Variants in FAM13C observed in about 807,000 individuals in gnomAD.
FAM13C encodes the protein protein FAM13C.
In FAM13C, 37 loss-of-function variants were observed where a neutral mutation model predicts 73.2. That is an observed-to-expected ratio of 0.51 (90% CI 0.39 to 0.67). The LOEUF is 0.67. FAM13C is among the 30% of genes least tolerant of loss of function. The pLI is 0.00. For synonymous variants in FAM13C, 246 were observed against 260.9 expected (o/e 0.94, Z 0.55); for missense variants, 589 against 715.6 (o/e 0.82, Z 2.02).
At chr10:59,352,752 C>G (rs1202358518) in intron 2 of FAM13C, among the ~76,000 whole-genome samples, 1 of 152,178 alleles carries the variant, frequency 6.6e-6, no homozygotes, top group African/African-American at 2.4e-5. Flanking sequence ...CTAATTTTCA[C>G]TTTAAGAAAC....
Position 59,247,531 on chromosome 10 carries a change from C to A in FAM13C, c.*83G>T. ...TAAAGTGCTTCCATTTTCATTGTGT[C>A]AAAACTACTTAGCAAGGATGGCAGA... On this transcript the variant is annotated 3_prime_UTR_variant, in exon 14 of 14. Coordinates refer to ENST00000618804, the MANE Select transcript of FAM13C (RefSeq NM_198215.4). The A allele has an allele frequency of 1.3e-6, 2 of 1,573,210 alleles. No individual in the cohort carries two copies. The highest frequency in any genetic ancestry group is 2.3e-5 in the South Asian group (2 of 87,588).
chr10:59,337,481 C>A (rs925097719), intron 3 of FAM13C, among the ~76,000 whole-genome samples: 3 of 152,130 alleles, frequency 2.0e-5, no homozygotes, highest in African/African-American at 7.2e-5. Flanking sequence ...GGCTAGCTTT[C>A]AGAAGCAACT....
At chr10:59,323,618 T>C (rs1564583181) in intron 4 of FAM13C, among the ~76,000 whole-genome samples, 1 of 152,170 alleles carries the variant, frequency 6.6e-6, no homozygotes, top group East Asian at 1.9e-4. Flanking sequence ...AATCAGTTGC[T>C]ATGGTGCCTA....
chr10:59,299,638 T>C (rs539404966), intron 5 of FAM13C, among the ~76,000 whole-genome samples: 4 of 152,310 alleles, frequency 2.6e-5, no homozygotes, highest in African/African-American at 9.6e-5. Context: ...ATCATTGTTC[T>C]TCATTTTATC....
intron 6 of FAM13C, among the ~76,000 whole-genome samples, chr10:59,280,853 A>G (rs1182449760): frequency 6.6e-6 from 1 of 152,194 alleles, no homozygotes; most frequent in East Asian, 1.9e-4. Flanking sequence ...TCAAGTCTAT[A>G]GTGAATTTGA....
intron 4 of FAM13C, among the ~76,000 whole-genome samples, chr10:59,319,111 ACACACACATT>A (rs1280279589): frequency 3.1e-4 from 43 of 139,724 alleles, no homozygotes; most frequent in African/African-American, 1.1e-3. Context: ...ACACACACAC[ACACACACATT>A]GTCTATCTCA....
At chr10:59,307,234 G>C (rs1384427388) in intron 4 of FAM13C, among the ~76,000 whole-genome samples, 3 of 152,092 alleles carry the variant, frequency 2.0e-5, no homozygotes, top group Non-Finnish European at 4.4e-5. Flanking sequence ...AGCAGAGAAG[G>C]GGGGTGAGAT....
At chr10:59,258,916 CAGA>C (rs1326786601) in intron 10 of FAM13C, among the ~76,000 whole-genome samples, 2 of 152,022 alleles carry the variant, frequency 1.3e-5, no homozygotes, top group African/African-American at 4.8e-5. Context: ...GATGAGAGGC[CAGA>C]AGAAGTAACT....
intron 4 of FAM13C, among the ~76,000 whole-genome samples, chr10:59,306,030 TC>T (rs1171306719): frequency 6.6e-6 from 1 of 152,224 alleles, no homozygotes; most frequent in Non-Finnish European, 1.5e-5. Flanking sequence ...TTTGTAACCC[TC>T]AGTAGTTCTC....
rs534724379 is a variant in FAM13C, at chr10:59,307,662, C to T, written c.444-4798G>A. ...AGTCTGCCCTTGTGGAACTTATATTCTCACGGAAGGATAACAAAAAGAAAT... is the reference window on the plus strand; with the variant it reads ...AGTCTGCCCTTGTGGAACTTATATTTTCACGGAAGGATAACAAAAAGAAAT... On this transcript the variant is annotated intron_variant, in intron 4 of 13. Transcript: ENST00000618804. 5.9e-5 allele frequency among the ~76,000 whole-genome samples: 9 copies of T among 152,250 alleles called. 1 individual carries two copies. Among genetic ancestry groups the T allele is most frequent in the African/African-American group, 2.2e-4 (9 of 41,536 alleles).
upstream of FAM13C, chr10:59,362,761 G>C (rs1856561830): frequency 4.4e-6 from 2 of 456,040 alleles, no homozygotes; most frequent in South Asian, 7.4e-5. Context: ...CCCCGACCTC[G>C]CCAGCCCAGG....
At chr10:59,277,157 C>G (rs1436323455) in intron 6 of FAM13C, among the ~76,000 whole-genome samples, 2 of 152,056 alleles carry the variant, frequency 1.3e-5, no homozygotes, top group Non-Finnish European at 2.9e-5. Flanking sequence ...GAAAACAAAG[C>G]CAGCTACTCC....
chr10:59,302,758 T>C (rs373859107), intron 5 of FAM13C, 43 bp downstream of exon 5: 8 of 1,534,062 alleles, frequency 5.2e-6, no homozygotes, highest in African/African-American at 1.4e-5. Context: ...AATCTCATGA[T>C]TGGCTAATTC....
intron 4 of FAM13C, among the ~76,000 whole-genome samples, chr10:59,322,448 C>A (rs1186152214): frequency 6.6e-6 from 1 of 151,852 alleles, no homozygotes; most frequent in Non-Finnish European, 1.5e-5. Context: ...GATGGGGAGG[C>A]GAAAAAGACA....
rs59965630 is a variant in FAM13C at position 59,319,072 on chromosome 10, AACACACACACAC to A, written c.443+4904_443+4915del. ...TAAGTAAGAAACAATTAGCTATTCA[AACACACACACAC>A]ACACACACACACACACACACACACA... On this transcript the variant is annotated intron_variant, in intron 4 of 13. Transcript: ENST00000618804. 8.2e-3 allele frequency among the ~76,000 whole-genome samples: 1,107 copies of A among 134,626 alleles called. 11 individuals are homozygous for A. The highest frequency in any genetic ancestry group is 0.024 in the African/African-American group (869 of 35,822). 88.3% of individuals were successfully genotyped at this position (134,626 alleles called of 152,430 possible). A position where few individuals can be genotyped will look rare whatever the true frequency, so the allele number is the denominator to read the frequency against.
chr10:59,253,736 T>C (rs1400558509), intron 11 of FAM13C: 1 of 152,280 alleles, frequency 6.6e-6, no homozygotes, highest in Admixed American at 6.5e-5. Context: ...TATTTGTTAA[T>C]ATTTATTCCT....
chr10:59,263,972 AAAC>A lies in FAM13C; in HGVS notation c.1024+110_1024+112del. On this transcript the variant is annotated intron_variant, in intron 9 of 13. Coordinates refer to ENST00000618804, the MANE Select transcript of FAM13C (RefSeq NM_198215.4). ...AAAAGGGAGTTACAGTCTAAGCAGA[AAAC>A]AAGGTGCAAGAGGGCACAGGTGGAA... The A allele has an allele frequency of 6.2e-6, 6 of 961,956 alleles. No individual in the cohort carries two copies. The South Asian group carries it at 6.5e-5, about 10-fold the overall frequency. 59.6% of individuals were successfully genotyped at this position (961,956 alleles called of 1,614,324 possible).
intron 3 of FAM13C, among the ~76,000 whole-genome samples, chr10:59,348,240 T>C (rs1297540724): frequency 2.0e-5 from 3 of 152,200 alleles, no homozygotes; most frequent in African/African-American, 7.2e-5. Context: ...GCACACTCAT[T>C]AGAACTCAGT....
intron 3 of FAM13C, among the ~76,000 whole-genome samples, chr10:59,351,648 A>G (rs901187165): frequency 6.6e-6 from 1 of 152,152 alleles, no homozygotes; most frequent in Non-Finnish European, 1.5e-5. Flanking sequence ...ATGAATGACA[A>G]CAGAGAGATC....
Sources: allele counts gnomAD v4.1 joint callset (sites outside exome capture counted in the v4.1 genomes callset), GRCh38; gene constraint gnomAD v4.1.1; transcripts MANE v1.5; gene names NCBI Gene and HGNC (gene_info 2026-07-23, HGNC 2026-07-21).